CIMAP2: variants seen among roughly 807,000 people sequenced by gnomAD.
CIMAP2 encodes ciliary microtubule associated protein 2, also known as ciliary microtubule-associated protein 2.
the CIMAP2 span, among the ~76,000 whole-genome samples, chr1:54,826,186 G>C: frequency 6.6e-6 from 1 of 152,200 alleles, no homozygotes; most frequent in African/African-American, 2.4e-5. Flanking sequence ...ACAGTGTGCA[G>C]GTGTGCAGCA....
At chr1:54,842,100 A>G in the CIMAP2 span, 2 of 581,606 alleles carry the variant, frequency 3.4e-6, no homozygotes, top group Non-Finnish European at 6.1e-6. Context: ...CAGGAGATCA[A>G]TTATCCTGAG....
At chr1:54,806,262 A>G in the CIMAP2 span, 11,016 of 1,460,852 alleles carry the variant, frequency 7.5e-3, 419 homozygotes, top group East Asian at 0.11. Context: ...CACGGTCCAA[A>G]GCAGCTGCTG....
the CIMAP2 span, among the ~76,000 whole-genome samples, chr1:54,819,752 C>T: frequency 2.0e-5 from 3 of 150,772 alleles, no homozygotes; most frequent in African/African-American, 7.3e-5. Flanking sequence ...AGTGTCTCCT[C>T]AGCTTTCCCT....
chr1:54,817,008 G>T, the CIMAP2 span: 1 of 1,614,172 alleles, frequency 6.2e-7, no homozygotes, highest in South Asian at 1.1e-5. Context: ...GGTGTGGGCC[G>T]CTACCTCAAC....
At chr1:54,809,298 C>T in the CIMAP2 span, among the ~76,000 whole-genome samples, 1 of 152,148 alleles carries the variant, frequency 6.6e-6, no homozygotes, top group South Asian at 2.1e-4. Context: ...TACACCTCAC[C>T]ACTGGGAATG....
chr1:54,833,756 A>G, the CIMAP2 span, among the ~76,000 whole-genome samples: 9 of 152,168 alleles, frequency 5.9e-5, no homozygotes, highest in Middle Eastern at 3.4e-3. Context: ...GGCCATGTGG[A>G]TATCAGAACT....
the CIMAP2 span, chr1:54,811,779 ACCCCCG>A: frequency 1.0e-5 from 3 of 286,352 alleles, no homozygotes; most frequent in Non-Finnish European, 2.1e-5. Context: ...CCATGCCCCC[ACCCCCG>A]CCCCACAGAA....
At chr1:54,834,471 A>C in the CIMAP2 span, among the ~76,000 whole-genome samples, 3 of 152,244 alleles carry the variant, frequency 2.0e-5, no homozygotes, top group East Asian at 3.8e-4. Context: ...GTATTTTATT[A>C]CAAAAATTTC....
At chr1:54,822,705 C>T in the CIMAP2 span, among the ~76,000 whole-genome samples, 6 of 152,126 alleles carry the variant, frequency 3.9e-5, no homozygotes, top group Non-Finnish European at 2.9e-5. Context: ...AGGATTTCAT[C>T]ATGTTTCCCA....
the CIMAP2 span, chr1:54,811,765 G>GCCGGGGGGGGGGGGCCCCCCCC: frequency 3.2e-5 from 41 of 1,301,216 alleles, no homozygotes; most frequent in East Asian, 5.0e-5. Context: ...GGTTCTGACA[G>GCCGGGGGGGGGGGGCCCCCCCC]CCTCCATGCC....
chr1:54,811,784 C>CCCCCCCCCCCCCCACCA, the CIMAP2 span: 1 of 1,454,280 alleles, frequency 6.9e-7, no homozygotes. Context: ...CCCCCACCCC[C>CCCCCCCCCCCCCCACCA]GCCCCACAGA....
the CIMAP2 span, among the ~76,000 whole-genome samples, chr1:54,834,846 G>A: frequency 1.3e-5 from 2 of 152,214 alleles, no homozygotes; most frequent in Non-Finnish European, 2.9e-5. Context: ...AAAAGTTTTA[G>A]ATTTTGGAGC....
chr1:54,822,042 G>A, the CIMAP2 span, among the ~76,000 whole-genome samples: 1 of 137,868 alleles, frequency 7.3e-6, no homozygotes, highest in Non-Finnish European at 1.6e-5. Flanking sequence ...GGGACTACAG[G>A]CGCCCACCAC....
the CIMAP2 span, chr1:54,806,351 C>A: frequency 2.2e-6 from 2 of 926,636 alleles, no homozygotes; most frequent in Non-Finnish European, 3.1e-6. Flanking sequence ...GGGAGGGGAA[C>A]CAGAGGAGTG....
chr1:54,806,142 G>T, the CIMAP2 span: 2 of 1,548,626 alleles, frequency 1.3e-6, no homozygotes, highest in African/African-American at 1.4e-5. Context: ...GATGCCGCCG[G>T]AGCTCATGGC....
chr1:54,820,110 CTCTCTTTCTT>C, the CIMAP2 span, among the ~76,000 whole-genome samples: 59,340 of 96,382 alleles, frequency 0.62, 17,117 homozygotes, highest in South Asian at 0.71. Flanking sequence ...CTTTCTCTCT[CTCTCTTTCTT>C]TCTTTCTTTC....
the CIMAP2 span, chr1:54,807,803 T>C: frequency 2.6e-6 from 4 of 1,512,926 alleles, no homozygotes; most frequent in South Asian, 4.0e-5. Context: ...GATTATCCTT[T>C]AAGGAACACC....
the CIMAP2 span, chr1:54,811,764 A>AGCCGGGGGGGGGGGGGGG: frequency 9.1e-7 from 1 of 1,097,916 alleles, no homozygotes; most frequent in Non-Finnish European, 1.3e-6. Context: ...TGGTTCTGAC[A>AGCCGGGGGGGGGGGGGGG]GCCTCCATGC....
the CIMAP2 span, chr1:54,808,047 G>C: frequency 6.6e-6 from 10 of 1,507,762 alleles, no homozygotes; most frequent in Non-Finnish European, 8.9e-6. Flanking sequence ...CAAGCAGAGA[G>C]CCTGGCATAC....
Sources: allele counts gnomAD v4.1 joint callset (sites outside exome capture counted in the v4.1 genomes callset), GRCh38; gene constraint gnomAD v4.1.1; transcripts MANE v1.5; gene names NCBI Gene and HGNC (gene_info 2026-07-23, HGNC 2026-07-21).